SHISA9: variants seen among roughly 807,000 people sequenced by gnomAD.
SHISA9 encodes shisa family member 9, also known as protein shisa-9.
In SHISA9, 13 loss-of-function variants were observed where a neutral mutation model predicts 38.0. The ratio of observed to expected loss-of-function variants is 0.34; its 90% CI spans 0.22 to 0.54. The LOEUF (loss-of-function observed/expected upper bound fraction) is 0.54. Among genes scored for constraint, SHISA9 ranks in the 20% least tolerant of loss-of-function variants. The pLI, the probability that SHISA9 is intolerant of heterozygous loss-of-function variation, is 0.91. For synonymous variants in SHISA9, 275 were observed against 242.0 expected (o/e 1.14, Z -1.27); for missense variants, 538 against 575.8 (o/e 0.93, Z 0.67).
chr16:13,242,959 G>A (rs73507183), downstream of SHISA9, among the ~76,000 whole-genome samples: 2,637 of 152,070 alleles, frequency 0.017, 62 homozygotes, highest in African/African-American at 0.055. Flanking sequence ...TTATTTTGCC[G>A]GCCAGGCACG....
At chr16:12,955,635 A>T (rs1187139568) in intron 2 of SHISA9, among the ~76,000 whole-genome samples, 2 of 80,770 alleles carry the variant, frequency 2.5e-5, no homozygotes, top group Non-Finnish European at 5.2e-5. Context: ...CAACAAAGTA[A>T]AAAAAAAAAA....
chr16:13,018,488 C>A (rs891457391), intron 2 of SHISA9, among the ~76,000 whole-genome samples: 11 of 152,114 alleles, frequency 7.2e-5, no homozygotes, highest in African/African-American at 2.7e-4. Context: ...CATGGCTTAC[C>A]TTTTACAAGC....
the SHISA9 span, among the ~76,000 whole-genome samples, chr16:13,414,997 AC>A: frequency 6.6e-6 from 1 of 152,190 alleles, no homozygotes; most frequent in African/African-American, 2.4e-5. Context: ...AAGTACAGAA[AC>A]AACTGGATTG....
intron 2 of SHISA9, among the ~76,000 whole-genome samples, chr16:13,037,109 G>GACACACAC (rs1207707042): frequency 7.2e-4 from 76 of 105,274 alleles, no homozygotes; most frequent in East Asian, 1.5e-3. Flanking sequence ...CACACACACA[G>GACACACAC]ACACACACAC....
At chr16:13,078,925 G>A (rs181681270) in intron 2 of SHISA9, among the ~76,000 whole-genome samples, 19 of 152,268 alleles carry the variant, frequency 1.2e-4, no homozygotes, top group African/African-American at 4.6e-4. Context: ...AAAAGGGGAG[G>A]GCATGTCTGA....
intron 2 of SHISA9, among the ~76,000 whole-genome samples, chr16:13,153,030 G>A (rs927054148): frequency 6.6e-6 from 1 of 151,962 alleles, no homozygotes; most frequent in Non-Finnish European, 1.5e-5. Flanking sequence ...AGTATGAGAG[G>A]GGGCTCTGAG....
chr16:13,478,665 C>G, the SHISA9 span, among the ~76,000 whole-genome samples: 1 of 152,188 alleles, frequency 6.6e-6, no homozygotes, highest in Admixed American at 6.5e-5. Context: ...TTCCATAAAC[C>G]TTCACCCAGC....
At chr16:12,974,365 A>G (rs1333015903) in intron 2 of SHISA9, among the ~76,000 whole-genome samples, 1 of 151,984 alleles carries the variant, frequency 6.6e-6, no homozygotes, top group Non-Finnish European at 1.5e-5. Flanking sequence ...AGGCATGGAA[A>G]CCAGGCGGGC....
the SHISA9 span, among the ~76,000 whole-genome samples, chr16:13,380,864 C>G: frequency 2.7e-5 from 4 of 148,070 alleles, no homozygotes; most frequent in African/African-American, 5.0e-5. Context: ...ATGTTCCCCT[C>G]CCTGTGTCCA....
At chr16:13,483,368 G>A in the SHISA9 span, among the ~76,000 whole-genome samples, 1 of 152,128 alleles carries the variant, frequency 6.6e-6, no homozygotes, top group Non-Finnish European at 1.5e-5. Context: ...ACAGAAATTG[G>A]AAGGAAACAA....
At chr16:12,977,807 A>C (rs1358143397) in intron 2 of SHISA9, among the ~76,000 whole-genome samples, 1 of 151,908 alleles carries the variant, frequency 6.6e-6, no homozygotes, top group Non-Finnish European at 1.5e-5. Flanking sequence ...ACACACACTG[A>C]GGCCTATTGA....
chr16:13,143,378 A>C (rs142319971), intron 2 of SHISA9, among the ~76,000 whole-genome samples: 1 of 152,260 alleles, frequency 6.6e-6, no homozygotes, highest in East Asian at 1.9e-4. Context: ...TGTACCAAGG[A>C]TGAATATATC....
the SHISA9 span, among the ~76,000 whole-genome samples, chr16:13,310,249 G>A: frequency 3.3e-5 from 5 of 151,758 alleles, no homozygotes; most frequent in Non-Finnish European, 5.9e-5. Context: ...CATTCAACTC[G>A]TGTTACAGTT....
chr16:13,139,296 T>G (rs1349202399), intron 2 of SHISA9, among the ~76,000 whole-genome samples: 1 of 151,022 alleles, frequency 6.6e-6, no homozygotes, highest in African/African-American at 2.4e-5. Context: ...TTCCCTCTTT[T>G]TTTAACTTTC....
chr16:12,930,745 C>G lies in SHISA9; in HGVS notation c.691+13930C>G, dbSNP rs1038760285. 4.6e-5 allele frequency among the ~76,000 whole-genome samples: 7 copies of G among 152,130 alleles called. 1 individual carries two copies. Among genetic ancestry groups the G allele is most frequent in the African/African-American group, 1.7e-4 (7 of 41,432 alleles). ...TAGGGTCACAATATTGATTTTAGTGCATTGCCAAACAGACTATTAAATCTC... is the reference window on the plus strand; with the variant it reads ...TAGGGTCACAATATTGATTTTAGTGGATTGCCAAACAGACTATTAAATCTC... On this transcript the variant is annotated intron_variant, in intron 2 of 4. Transcript: ENST00000558583.
At chr16:13,551,839 C>T in the SHISA9 span, among the ~76,000 whole-genome samples, 1 of 152,068 alleles carries the variant, frequency 6.6e-6, no homozygotes, top group African/African-American at 2.4e-5. Flanking sequence ...CCAGCCTGGC[C>T]AGCATGGTGA....
intron 2 of SHISA9, among the ~76,000 whole-genome samples, chr16:12,978,554 AAAC>A (rs1555451634): frequency 6.6e-6 from 1 of 152,238 alleles, no homozygotes; most frequent in Non-Finnish European, 1.5e-5. Context: ...AAACTCCCAT[AAAC>A]AACAATTAAG....
At chr16:13,066,470 T>C (rs1332234900) in intron 2 of SHISA9, among the ~76,000 whole-genome samples, 1 of 152,238 alleles carries the variant, frequency 6.6e-6, no homozygotes, top group Non-Finnish European at 1.5e-5. Flanking sequence ...CTTTTTGTTG[T>C]TGTTGCTGAT....
At chr16:13,423,942 A>G in the SHISA9 span, among the ~76,000 whole-genome samples, 2 of 152,292 alleles carry the variant, frequency 1.3e-5, no homozygotes, top group East Asian at 1.9e-4. Context: ...TCATTCTTCT[A>G]CTATCTTTAT....
Sources: allele counts gnomAD v4.1 joint callset (sites outside exome capture counted in the v4.1 genomes callset), GRCh38; gene constraint gnomAD v4.1.1; transcripts MANE v1.5; gene names NCBI Gene and HGNC (gene_info 2026-07-23, HGNC 2026-07-21).